Variants in PEX5L observed in about 807,000 individuals in gnomAD.
The protein encoded by PEX5L is peroxisomal biogenesis factor 5 like.
In PEX5L, 30 loss-of-function variants were observed where a neutral mutation model predicts 84.0. The observed-to-expected ratio is 0.36, with a 90% CI of 0.27 to 0.48. The LOEUF (loss-of-function observed/expected upper bound fraction) is 0.48, where lower values mean the gene tolerates loss of function less well. Ranked by LOEUF, PEX5L falls within the 20% of genes least tolerant of loss-of-function variation. The pLI is 0.99. For missense variants in PEX5L, 533 were observed against 754.6 expected (o/e 0.71, Z 3.44); for synonymous variants, 270 against 283.1 (o/e 0.95, Z 0.46).
At chr3:179,898,821 C>A (rs1214198670) in intron 2 of PEX5L, among the ~76,000 whole-genome samples, 1 of 151,990 alleles carries the variant, frequency 6.6e-6, no homozygotes, top group East Asian at 1.9e-4. Flanking sequence ...ATGGTATAAA[C>A]TTCATGAAAA....
intron 1 of PEX5L, among the ~76,000 whole-genome samples, chr3:180,023,069 T>G (rs1415926190): frequency 6.6e-6 from 1 of 152,122 alleles, no homozygotes; most frequent in Non-Finnish European, 1.5e-5. Context: ...GGTACCGACA[T>G]GGAGATATGG....
chr3:179,822,959 G>A (rs1729037191), intron 8 of PEX5L, among the ~76,000 whole-genome samples: 1 of 152,046 alleles, frequency 6.6e-6, no homozygotes, highest in Admixed American at 6.6e-5. Flanking sequence ...ATATTTCTAA[G>A]TCTTATTTTC....
intron 14 of PEX5L, 51 bp downstream of exon 14, chr3:179,807,623 G>A (rs370327303): frequency 3.9e-5 from 60 of 1,545,580 alleles, no homozygotes; most frequent in African/African-American, 5.5e-5. Flanking sequence ...CAGATTATTC[G>A]ACCTCAGTCC....
At chr3:179,926,185 C>G (rs556142157) in intron 2 of PEX5L, among the ~76,000 whole-genome samples, 13 of 152,254 alleles carry the variant, frequency 8.5e-5, no homozygotes, top group African/African-American at 3.1e-4. Flanking sequence ...CTGCTGCTAC[C>G]CTGCCCTCAT....
At chr3:179,889,066 TG>T (rs1249525004) in intron 3 of PEX5L, among the ~76,000 whole-genome samples, 42 of 152,190 alleles carry the variant, frequency 2.8e-4, no homozygotes, top group African/African-American at 9.9e-4. Flanking sequence ...TGTGAGCCAC[TG>T]TGCCTGGCCA....
At chr3:179,873,113 CTG>C (rs1264726242) in intron 7 of PEX5L, among the ~76,000 whole-genome samples, 1 of 152,144 alleles carries the variant, frequency 6.6e-6, no homozygotes, top group African/African-American at 2.4e-5. Flanking sequence ...GATTTCTTCT[CTG>C]TCTGTGTCCT....
rs149221306 is a variant in PEX5L at position 179,949,374 on chromosome 3, G to A, written c.93+22220C>T. On this transcript the variant is annotated intron_variant, in intron 2 of 14. Transcript: ENST00000467460. ...TTTGTCTTGCCTTTGTTTTTGCTTA[G>A]TATGTTTTAAGCATTGTTGCATGTC... is the stretch of plus-strand genomic sequence containing the variant. Among the ~76,000 whole-genome samples the A allele has an allele frequency of 9.9e-5, 15 of 152,186 alleles. 1 individual carries two copies. Among genetic ancestry groups the A allele is most frequent in the African/African-American group, 3.4e-4 (14 of 41,532 alleles).
intron 2 of PEX5L, among the ~76,000 whole-genome samples, chr3:179,943,557 G>T (rs1776723432): frequency 1.3e-5 from 2 of 152,226 alleles, no homozygotes; most frequent in African/African-American, 2.4e-5. Flanking sequence ...ATTTAGGTAT[G>T]GAAATTCAGT....
At chr3:179,934,415 C>G (rs1774009795) in intron 2 of PEX5L, among the ~76,000 whole-genome samples, 1 of 152,108 alleles carries the variant, frequency 6.6e-6, no homozygotes, top group Non-Finnish European at 1.5e-5. Context: ...TGTTATGTAC[C>G]ATGCACTAAG....
chr3:179,977,309 T>C (rs1015791710), intron 1 of PEX5L, among the ~76,000 whole-genome samples: 2 of 152,194 alleles, frequency 1.3e-5, no homozygotes, highest in African/African-American at 4.8e-5. Context: ...AATGAAGGTT[T>C]TTTGTTTTGT....
chr3:179,855,898 A>G (rs904117882), intron 8 of PEX5L, among the ~76,000 whole-genome samples: 14 of 152,182 alleles, frequency 9.2e-5, no homozygotes, highest in African/African-American at 3.4e-4. Context: ...CATTTCTACT[A>G]CTTATAAATG....
intron 1 of PEX5L, among the ~76,000 whole-genome samples, chr3:180,003,661 C>A (rs772944694): frequency 2.3e-4 from 35 of 152,012 alleles, no homozygotes; most frequent in Non-Finnish European, 4.7e-4. Flanking sequence ...AACCGTTCTT[C>A]AATTTGGAAA....
intron 2 of PEX5L, among the ~76,000 whole-genome samples, chr3:179,958,169 C>A (rs988613826): frequency 4.6e-5 from 7 of 152,126 alleles, no homozygotes; most frequent in African/African-American, 1.4e-4. Flanking sequence ...CATATCTTTC[C>A]TTTAAAAATA....
At chr3:179,895,167 C>A (rs562419712) in intron 3 of PEX5L, among the ~76,000 whole-genome samples, 1 of 151,798 alleles carries the variant, frequency 6.6e-6, no homozygotes, top group Non-Finnish European at 1.5e-5. Context: ...TTGATTTAGC[C>A]AATATATCAA....
rs1186882207 is a variant in PEX5L at position 179,961,195 on chromosome 3, A to ATGTG, written c.93+10395_93+10398dup. Among the ~76,000 whole-genome samples the ATGTG allele has an allele frequency of 4.7e-3, 655 of 139,892 alleles. 3 individuals carry two copies. Among genetic ancestry groups the ATGTG allele is most frequent in the African/African-American group, 0.012 (464 of 38,072 alleles). The allele number at this position is 139,892 out of a possible 152,430, so 91.8% of individuals were successfully genotyped here. On this transcript the variant is annotated intron_variant, in intron 2 of 14. Transcript: ENST00000467460. ...AATTGTATTGAATGATCACTTGTGTATGTGTATGTGTGTGTGTGTGTGTGT... is the reference window on the plus strand; with the variant it reads ...AATTGTATTGAATGATCACTTGTGTATGTGTGTGTATGTGTGTGTGTGTGTGTGT...
intron 1 of PEX5L, among the ~76,000 whole-genome samples, chr3:179,992,743 T>G (rs1480093672): frequency 6.6e-6 from 1 of 152,158 alleles, no homozygotes; most frequent in Non-Finnish European, 1.5e-5. Flanking sequence ...CGCACACGAA[T>G]TTCAAGATGG....
chr3:179,831,314 T>C (rs1577363528), intron 8 of PEX5L, among the ~76,000 whole-genome samples: 1 of 148,176 alleles, frequency 6.7e-6, no homozygotes, highest in East Asian at 2.0e-4. Flanking sequence ...GGCGAGACTC[T>C]GTCTAAAAAA....
chr3:179,902,624 AT>A, intron 2 of PEX5L: 1 of 455,478 alleles, frequency 2.2e-6, no homozygotes, highest in South Asian at 1.6e-5. Context: ...TTCTTATTAA[AT>A]GCTAGCTAAA....
intron 1 of PEX5L, among the ~76,000 whole-genome samples, chr3:179,983,277 A>C (rs1320259650): frequency 4.6e-5 from 7 of 151,982 alleles, no homozygotes; most frequent in Non-Finnish European, 1.5e-5. Context: ...TAATACACAT[A>C]TATCCACCTT....
Sources: allele counts gnomAD v4.1 joint callset (sites outside exome capture counted in the v4.1 genomes callset), GRCh38; gene constraint gnomAD v4.1.1; transcripts MANE v1.5; gene names NCBI Gene and HGNC (gene_info 2026-07-23, HGNC 2026-07-21).